LINGO1: variants seen among roughly 807,000 people sequenced by gnomAD.
LINGO1 encodes the protein leucine-rich repeat and immunoglobulin-like domain-containing nogo receptor-interacting protein 1.
A neutral mutation model predicts 37.3 loss-of-function variants in LINGO1; 11 were observed. The observed-to-expected ratio is 0.29, with a 90% confidence interval of 0.19 to 0.49. The LOEUF (loss-of-function observed/expected upper bound fraction) is 0.49. Ranked by LOEUF, LINGO1 falls within the 20% of genes least tolerant of loss-of-function variation. The probability of loss-of-function intolerance (pLI) is 0.99; values close to 1 mark genes in which losing one functional copy is unlikely to be tolerated. For missense variants in LINGO1, 585 were observed against 878.2 expected (o/e 0.67, Z 4.22); for synonymous variants, 387 against 403.0 (o/e 0.96, Z 0.48).
At chr15:77,647,372 T>A (rs2141128061) in intron 3 of LINGO1, among the ~76,000 whole-genome samples, 1 of 132,768 alleles carries the variant, frequency 7.5e-6, no homozygotes, top group South Asian at 2.3e-4. Flanking sequence ...TGGGTGGTGA[T>A]CAGAGCTGGA....
chr15:77,789,834 G>A (rs559662617), upstream of LINGO1, among the ~76,000 whole-genome samples: 3 of 152,138 alleles, frequency 2.0e-5, no homozygotes, highest in African/African-American at 4.8e-5. Context: ...CACCCAGGCT[G>A]GAGTACAGTG....
At chr15:77,734,029 G>C (rs1203159216) in intron 2 of LINGO1, among the ~76,000 whole-genome samples, 1 of 152,204 alleles carries the variant, frequency 6.6e-6, no homozygotes, top group Admixed American at 6.5e-5. Flanking sequence ...CCCTTTTACA[G>C]ATACGGAAAT....
rs2074762427 is a variant in LINGO1, at chr15:77,651,763, T to TCA, written c.-13+25324_-13+25325dup. On this transcript the variant is annotated intron_variant, in intron 3 of 3. Transcript: ENST00000559893. ...TGAGCAACTCCAGCAAGTGAAGACATCACAGTCTGGGGCAGTGCATGGCTG... is the reference window on the plus strand; with the variant it reads ...TGAGCAACTCCAGCAAGTGAAGACATCACACAGTCTGGGGCAGTGCATGGCTG... 4 of 152,290 alleles carry TCA rather than the reference T, an allele frequency of 2.6e-5. No homozygotes were observed. In the South Asian group the frequency reaches 8.3e-4, roughly 32 times the overall value. 9.4% of individuals were successfully genotyped at this position (152,290 alleles called of 1,614,324 possible). A position where few individuals can be genotyped will look rare whatever the true frequency, so the allele number is the denominator to read the frequency against.
chr15:77,727,720 TTA>T (rs1170022298), intron 2 of LINGO1, among the ~76,000 whole-genome samples: 2 of 130,992 alleles, frequency 1.5e-5, no homozygotes, highest in East Asian at 4.3e-4. Context: ...ATGATACATT[TTA>T]TATGTTTTTT....
chr15:77,796,148 C>T (rs769542928), intron 1 of LINGO1: 7 of 152,346 alleles, frequency 4.6e-5, no homozygotes, highest in Non-Finnish European at 7.3e-5. Context: ...GGTCTGATCC[C>T]GCCTGGCTGA....
chr15:77,643,845 G>A (rs138412001), intron 3 of LINGO1, among the ~76,000 whole-genome samples: 14 of 152,344 alleles, frequency 9.2e-5, no homozygotes, highest in East Asian at 3.9e-4. Context: ...AAAGGGCAGG[G>A]GGTGACAGCT....
intron 1 of LINGO1, among the ~76,000 whole-genome samples, chr15:77,761,428 G>A (rs2076475953): frequency 1.3e-5 from 2 of 152,176 alleles, no homozygotes; most frequent in South Asian, 4.1e-4. Flanking sequence ...TGCTGATGGC[G>A]CAGAAGTTGG....
chr15:77,702,582 T>A (rs914373928), intron 2 of LINGO1, among the ~76,000 whole-genome samples: 1 of 152,166 alleles, frequency 6.6e-6, no homozygotes, highest in Non-Finnish European at 1.5e-5. Context: ...GATGCAGGTA[T>A]CAGTATTCTA....
intron 1 of LINGO1, among the ~76,000 whole-genome samples, chr15:77,739,551 C>G (rs1201601761): frequency 1.3e-5 from 2 of 152,146 alleles, no homozygotes; most frequent in Non-Finnish European, 2.9e-5. Flanking sequence ...TTAAAATACC[C>G]CTTTCTCTTG....
At chr15:77,642,289 C>T (rs1204135605) in intron 3 of LINGO1, among the ~76,000 whole-genome samples, 1 of 152,192 alleles carries the variant, frequency 6.6e-6, no homozygotes, top group African/African-American at 2.4e-5. Context: ...TAGGCTTCAC[C>T]ATGCATGGGG....
At chr15:77,766,895 A>T (rs1172746521) in intron 1 of LINGO1, among the ~76,000 whole-genome samples, 1 of 152,036 alleles carries the variant, frequency 6.6e-6, no homozygotes, top group East Asian at 1.9e-4. Flanking sequence ...TTTAAAAAAA[A>T]ATCCATTGGA....
chr15:77,659,129 C>T (rs567597002), intron 3 of LINGO1, among the ~76,000 whole-genome samples: 6 of 152,190 alleles, frequency 3.9e-5, no homozygotes, highest in Middle Eastern at 6.8e-3. Context: ...GGACTTCAGC[C>T]GTAGGGCAAT....
chr15:77,686,075 G>A (rs2075505488), intron 2 of LINGO1, among the ~76,000 whole-genome samples: 2 of 152,134 alleles, frequency 1.3e-5, no homozygotes, highest in Admixed American at 6.5e-5. Context: ...GTGAGTGCCT[G>A]GAAATCCAAA....
chr15:77,796,807 C>T (rs1450945182), intron 1 of LINGO1, among the ~76,000 whole-genome samples: 1 of 152,024 alleles, frequency 6.6e-6, no homozygotes, highest in Non-Finnish European at 1.5e-5. Flanking sequence ...AACTCCTGGG[C>T]TCAAGCGATC....
At chr15:77,691,568 C>A (rs1024595709) in intron 1 of LINGO1, among the ~76,000 whole-genome samples, 4 of 152,082 alleles carry the variant, frequency 2.6e-5, no homozygotes, top group African/African-American at 9.7e-5. Context: ...CCAGCCACTG[C>A]CACTGGACCC....
rs537720392 is a variant in LINGO1, at chr15:77,782,646, C to T, written c.-257+4223G>A. ...GGTGCCACTTGGGCCAAATTGAACCCGCCCCGACCAGGACTCTCAGCCTTC... is the reference window on the plus strand; with the variant it reads ...GGTGCCACTTGGGCCAAATTGAACCTGCCCCGACCAGGACTCTCAGCCTTC... On this transcript the variant is annotated intron_variant, in intron 1 of 3. Transcript: ENST00000561686. Among the ~76,000 whole-genome samples, 11 of 152,124 alleles carry T rather than the reference C, an allele frequency of 7.2e-5. 1 individual carries two copies. In the South Asian group the frequency reaches 1.7e-3, roughly 23 times the overall value.
intron 1 of LINGO1, among the ~76,000 whole-genome samples, chr15:77,770,040 TG>T (rs1169249307): frequency 6.6e-6 from 1 of 152,068 alleles, no homozygotes; most frequent in Non-Finnish European, 1.5e-5. Flanking sequence ...CCACCTGAGA[TG>T]GGGGTCCCTG....
chr15:77,746,545 G>C (rs1179188576), intron 1 of LINGO1, among the ~76,000 whole-genome samples: 1 of 152,204 alleles, frequency 6.6e-6, no homozygotes, highest in Admixed American at 6.5e-5. Context: ...GACCTAAGGG[G>C]TAGAATTGCC....
At position 77,664,130 on chromosome 15, in the gene LINGO1, AGTGTGTGTGT is replaced by A. The variant is rs774494605; in HGVS notation, c.-13+12949_-13+12958del. ...TTCCTCTCTTCTGCCACACAGGAGC[AGTGTGTGTGT>A]GTGTGTGTGTGTGTGTGTGTGTGTG... On this transcript the variant is annotated intron_variant, in intron 3 of 3. Transcript: ENST00000559893. 3.6e-3 allele frequency among the ~76,000 whole-genome samples: 473 copies of A among 130,372 alleles called. 3 individuals are homozygous for A. Among genetic ancestry groups the A allele is most frequent in the East Asian group, 0.01 (47 of 4,480 alleles). The allele number at this position is 130,372 out of a possible 152,430, so 85.5% of individuals were successfully genotyped here. A position where few individuals can be genotyped will look rare whatever the true frequency, so the allele number is the denominator to read the frequency against.
Sources: allele counts gnomAD v4.1 joint callset (sites outside exome capture counted in the v4.1 genomes callset), GRCh38; gene constraint gnomAD v4.1.1; transcripts MANE v1.5; gene names NCBI Gene and HGNC (gene_info 2026-07-23, HGNC 2026-07-21).